The following ASXL1 variants were observed in gnomAD, a reference collection of about 807,000 sequenced individuals.
ASXL1 encodes ASXL transcriptional regulator 1, also known as polycomb group protein ASXL1.
In ASXL1, 65 loss-of-function variants were observed where a neutral mutation model predicts 89.1. The ratio of observed to expected loss-of-function variants is 0.73; its 90% CI spans 0.60 to 0.90. ASXL1 has a LOEUF of 0.90. ASXL1 is among the 40% of genes least tolerant of loss of function. The pLI, the probability that ASXL1 is intolerant of heterozygous loss-of-function variation, is 0.00. For missense variants in ASXL1, 1,786 were observed against 1,942.9 expected, an observed-to-expected ratio of 0.92 and a Z score of 1.52; for synonymous variants, 739 against 746.9, an observed-to-expected ratio of 0.99 and a Z score of 0.17.
At chr20:32,395,993 T>G (rs1870584963) in intron 4 of ASXL1, among the ~76,000 whole-genome samples, 1 of 152,066 alleles carries the variant, frequency 6.6e-6, no homozygotes, top group African/African-American at 2.4e-5. Context: ...GAGACAGAGC[T>G]TCACCATGTT....
intron 4 of ASXL1, among the ~76,000 whole-genome samples, chr20:32,425,719 G>A (rs1008571883): frequency 3.3e-5 from 5 of 150,396 alleles, no homozygotes; most frequent in Non-Finnish European, 5.9e-5. Flanking sequence ...CTCTCTCCCC[G>A]CCCCCAAGAA....
rs2122754649 is a variant in ASXL1 at position 32,358,768 on chromosome 20, G to A, written c.-8G>A. ...CGCGTGGAGCTGCCGCCGCCGCCGG[G>A]GAGAAGGATGAAGGACAAACAGAAG... On this transcript the variant is annotated 5_prime_UTR_variant, in exon 1 of 13. Coordinates refer to ENST00000375687, the MANE Select transcript of ASXL1 (RefSeq NM_015338.6). 6.7e-7 allele frequency: 1 copy of A among 1,488,082 alleles called. No individual in the cohort carries two copies. Among genetic ancestry groups the A allele is most frequent in the Non-Finnish European group, 9.0e-7 (1 of 1,114,234 alleles). The allele number at this position is 1,488,082 out of a possible 1,614,324, so 92.2% of individuals were successfully genotyped here.
At chr20:32,423,068 A>G (rs921792303) in intron 4 of ASXL1, among the ~76,000 whole-genome samples, 2 of 152,158 alleles carry the variant, frequency 1.3e-5, no homozygotes, top group African/African-American at 4.8e-5. Context: ...TAATGTATGA[A>G]AAGTCAATTA....
intron 4 of ASXL1, among the ~76,000 whole-genome samples, chr20:32,418,396 G>A (rs1030147129): frequency 3.9e-5 from 6 of 151,908 alleles, no homozygotes; most frequent in African/African-American, 7.3e-5. Context: ...CAAAAAATAC[G>A]TTTTAGAACT....
chr20:32,381,577 G>A (rs1001507606), intron 4 of ASXL1, among the ~76,000 whole-genome samples: 1 of 149,844 alleles, frequency 6.7e-6, no homozygotes, highest in African/African-American at 2.5e-5. Context: ...TGCAGTGGCG[G>A]GATCTCGGCT....
chr20:32,433,838 C>CCTTTCGTAACACAATTGAAAGTGTT lies in ASXL1; in HGVS notation c.1642_1666dup (p.His556LeufsTer3). ...AAGCCCCGGCTTGAAGATCGTCAGT[C>CCTTTCGTAACACAATTGAAAGTGTT]CTTTCGTAACACAATTGAAAGTGTT... On this transcript the variant is annotated frameshift_variant, in exon 12 of 13. Transcript: ENST00000375687. LOFTEE classifies it high-confidence loss of function. The CCTTTCGTAACACAATTGAAAGTGTT allele has an allele frequency of 6.2e-7, 1 of 1,614,064 alleles. No individual in the cohort carries two copies. Among genetic ancestry groups the CCTTTCGTAACACAATTGAAAGTGTT allele is most frequent in the Non-Finnish European group, 8.5e-7 (1 of 1,180,028 alleles).
At chr20:32,391,588 C>T (rs1211926474) in intron 4 of ASXL1, among the ~76,000 whole-genome samples, 8 of 152,200 alleles carry the variant, frequency 5.3e-5, no homozygotes, top group African/African-American at 1.9e-4. Context: ...CTTCCAGGCT[C>T]AAGCGATCCT....
chr20:32,405,868 C>T (rs1325983861), intron 4 of ASXL1, among the ~76,000 whole-genome samples: 1 of 152,138 alleles, frequency 6.6e-6, no homozygotes, highest in East Asian at 1.9e-4. Flanking sequence ...AAGGTAGCAT[C>T]TGCCATCCTT....
intron 3 of ASXL1, 108 bp downstream of exon 3, chr20:32,367,837 A>C: frequency 1.3e-6 from 1 of 763,972 alleles, no homozygotes; most frequent in South Asian, 1.4e-5. Context: ...ATGAGTGAGC[A>C]GCTCTGTAAT....
chr20:32,434,634 T>G lies in ASXL1; in HGVS notation c.1922T>G (p.Ile641Ser), dbSNP rs1425060838. ...HCHREAATTA[I>S]GGGGGPGGGG... The stretch of plus-strand genomic sequence containing the variant: ...CATAGAGAGGCGGCCACCACTGCCA[T>G]CGGAGGGGGGGGTGGCCCGGGTGGA... Residue 641 changes from isoleucine (I) to serine (S), a missense_variant, in exon 13 of 13, where the codon ATC becomes AGC. Coordinates refer to ENST00000375687, the MANE Select transcript of ASXL1 (RefSeq NM_015338.6). 1 of 1,607,968 alleles carries G rather than the reference T, an allele frequency of 6.2e-7. No homozygotes were observed. The highest frequency in any genetic ancestry group is 1.7e-5 in the Admixed American group (1 of 59,524).
rs1292216946 is a variant in ASXL1 at position 32,430,028 on chromosome 20, G to A, written c.693G>A (p.Leu231=). 1 of 1,606,302 alleles carries A rather than the reference G, an allele frequency of 6.2e-7. No individual in the cohort carries two copies. Among genetic ancestry groups the A allele is most frequent in the African/African-American group, 1.3e-5 (1 of 74,940 alleles). ...AEVTQDPAPL[L]RGFRKPATGQ... Reference sequence around the variant, plus strand: ...TCACCCAGGACCCTGCCCCGCTCCTGAGAGGCTTCCGGAAGCCAGCCACAG... The same window carrying A: ...TCACCCAGGACCCTGCCCCGCTCCTAAGAGGCTTCCGGAAGCCAGCCACAG... The change falls in exon 8 of 13, where the codon CTG becomes CTA. Residue 231 remains leucine, a synonymous_variant. Coordinates refer to ENST00000375687, the MANE Select transcript of ASXL1 (RefSeq NM_015338.6).
chr20:32,371,655 G>T, intron 4 of ASXL1: 1 of 268,578 alleles, frequency 3.7e-6, no homozygotes, highest in South Asian at 3.4e-5. Context: ...TCCACAGCTG[G>T]AGTGCAGTAG....
At chr20:32,368,086 AGG>A (rs2048236199) in intron 3 of ASXL1, among the ~76,000 whole-genome samples, 1 of 152,212 alleles carries the variant, frequency 6.6e-6, no homozygotes, top group South Asian at 2.1e-4. Context: ...TGCATAAATT[AGG>A]GCTTCTAGTT....
intron 4 of ASXL1, among the ~76,000 whole-genome samples, chr20:32,421,348 A>G (rs1318976215): frequency 6.6e-6 from 1 of 152,110 alleles, no homozygotes; most frequent in Non-Finnish European, 1.5e-5. Context: ...TAAAACCACA[A>G]TGAGGTACCA....
intron 4 of ASXL1, among the ~76,000 whole-genome samples, chr20:32,420,463 T>G (rs2049222680): frequency 1.3e-5 from 2 of 152,208 alleles, no homozygotes; most frequent in Non-Finnish European, 2.9e-5. Context: ...GGAGAACATT[T>G]TATTTTGGTT....
At chr20:32,390,675 C>T (rs558236262) in intron 4 of ASXL1, among the ~76,000 whole-genome samples, 4 of 152,018 alleles carry the variant, frequency 2.6e-5, no homozygotes, top group Non-Finnish European at 5.9e-5. Context: ...TTCATCATCC[C>T]AGAAACTTTC....
chr20:32,363,062 A>T (rs1267494615), intron 1 of ASXL1, among the ~76,000 whole-genome samples: 1 of 152,184 alleles, frequency 6.6e-6, no homozygotes, highest in Non-Finnish European at 1.5e-5. Context: ...AATGTAGTCT[A>T]GAAAGAGACT....
chr20:32,422,622 T>C (rs8123573), intron 4 of ASXL1, among the ~76,000 whole-genome samples: 5 of 146,294 alleles, frequency 3.4e-5, no homozygotes, highest in African/African-American at 1.3e-4. Flanking sequence ...AGTCTTGCAC[T>C]GTCTCCCAGG....
chr20:32,412,982 G>T (rs1289682845), intron 4 of ASXL1, among the ~76,000 whole-genome samples: 1 of 152,128 alleles, frequency 6.6e-6, no homozygotes, highest in Non-Finnish European at 1.5e-5. Context: ...ATTTGTAGTT[G>T]CAGAATATTA....
Sources: allele counts gnomAD v4.1 joint callset (sites outside exome capture counted in the v4.1 genomes callset), GRCh38; gene constraint gnomAD v4.1.1; transcripts MANE v1.5; gene names NCBI Gene and HGNC (gene_info 2026-07-23, HGNC 2026-07-21).